Variants in ZRANB3 observed in about 807,000 individuals in gnomAD.
ZRANB3 encodes the protein zinc finger RANBP2-type containing 3.
In ZRANB3, 125 loss-of-function variants were observed where a neutral mutation model predicts 133.8. The observed-to-expected ratio is 0.93, with a 90% CI of 0.81 to 1.08. ZRANB3 has a LOEUF of 1.08. ZRANB3 is among the 50% of genes least tolerant of loss of function. The pLI is 0.00. For missense variants in ZRANB3, 1,229 were observed against 1,275.5 expected, an observed-to-expected ratio of 0.96 and a Z score of 0.56; for synonymous variants, 387 against 432.7, an observed-to-expected ratio of 0.89 and a Z score of 1.31.
At chr2:135,488,529 GATT>G (rs949827006) in intron 2 of ZRANB3, among the ~76,000 whole-genome samples, 3 of 148,628 alleles carry the variant, frequency 2.0e-5, no homozygotes, top group East Asian at 2.0e-4. Flanking sequence ...ATATATATTT[GATT>G]ATACTATATA....
intron 2 of ZRANB3, among the ~76,000 whole-genome samples, chr2:135,398,615 T>A (rs960790897): frequency 2.7e-5 from 4 of 147,704 alleles, no homozygotes; most frequent in African/African-American, 1.0e-4. Flanking sequence ...GCCTCCTGGG[T>A]TTACGCCATT....
intron 2 of ZRANB3, among the ~76,000 whole-genome samples, chr2:135,447,126 C>T (rs1690056502): frequency 6.6e-6 from 1 of 152,082 alleles, no homozygotes; most frequent in Non-Finnish European, 1.5e-5. Flanking sequence ...CTCACTGCAA[C>T]CTCCACCTCC....
chr2:135,213,166 G>A (rs1420981819), intron 17 of ZRANB3, among the ~76,000 whole-genome samples: 1 of 152,100 alleles, frequency 6.6e-6, no homozygotes, highest in Non-Finnish European at 1.5e-5. Flanking sequence ...ATCCTCTAAC[G>A]TCCTGCTTAG....
At chr2:135,504,178 A>T (rs1488655995) in intron 2 of ZRANB3, 151 bp downstream of exon 2, 2 of 845,784 alleles carry the variant, frequency 2.4e-6, no homozygotes, top group South Asian at 2.9e-5. Flanking sequence ...AGTATAAGTC[A>T]ACCATAGTAA....
At chr2:135,510,847 C>T (rs776596647) in intron 1 of ZRANB3, 26 of 983,960 alleles carry the variant, frequency 2.6e-5, no homozygotes, top group Non-Finnish European at 3.8e-5. Flanking sequence ...AACTCCACCA[C>T]GTTCCCATAA....
chr2:135,449,042 A>C (rs1690151523), intron 2 of ZRANB3, among the ~76,000 whole-genome samples: 1 of 152,200 alleles, frequency 6.6e-6, no homozygotes, highest in Admixed American at 6.5e-5. Flanking sequence ...CTGTAATACT[A>C]GGTGATTTCT....
chr2:135,479,774 G>A (rs1174199827), intron 2 of ZRANB3, among the ~76,000 whole-genome samples: 1 of 152,030 alleles, frequency 6.6e-6, no homozygotes, highest in East Asian at 1.9e-4. Flanking sequence ...TGCTTGAAGA[G>A]GGGACACAAC....
intron 20 of ZRANB3, 100 bp from the exon 21 acceptor site, chr2:135,200,540 C>A: frequency 1.1e-6 from 1 of 938,948 alleles, no homozygotes; most frequent in South Asian, 1.6e-5. Flanking sequence ...AATCTACAGT[C>A]ACTACACCCA....
chr2:135,298,942 G>A (rs1682295501), intron 8 of ZRANB3, among the ~76,000 whole-genome samples: 1 of 152,088 alleles, frequency 6.6e-6, no homozygotes, highest in Non-Finnish European at 1.5e-5. Context: ...GAGTTGGCTG[G>A]CCTCCAGCCA....
chr2:135,376,010 G>A (rs1558952830), intron 3 of ZRANB3, among the ~76,000 whole-genome samples: 1 of 152,048 alleles, frequency 6.6e-6, no homozygotes, highest in Admixed American at 6.6e-5. Context: ...GCTAAAATGA[G>A]GTCATATTAG....
intron 3 of ZRANB3, among the ~76,000 whole-genome samples, chr2:135,357,511 G>T (rs1252062488): frequency 6.6e-6 from 1 of 152,164 alleles, no homozygotes; most frequent in Non-Finnish European, 1.5e-5. Context: ...GGCCAGGCTG[G>T]TCTCAAACTC....
chr2:135,278,153 T>C (rs560946243), intron 8 of ZRANB3, among the ~76,000 whole-genome samples: 9 of 151,914 alleles, frequency 5.9e-5, no homozygotes, highest in Non-Finnish European at 1.2e-4. Flanking sequence ...TGAATGAAAA[T>C]AGACCCAGAA....
chr2:135,305,682 T>C (rs994006332), intron 8 of ZRANB3, among the ~76,000 whole-genome samples: 1 of 152,244 alleles, frequency 6.6e-6, no homozygotes, highest in Non-Finnish European at 1.5e-5. Flanking sequence ...ATGAGTTTTG[T>C]ACTTTCATGT....
chr2:135,227,700 A>T (rs532850482), intron 14 of ZRANB3, 112 bp downstream of exon 14: 2 of 1,076,916 alleles, frequency 1.9e-6, no homozygotes, highest in Non-Finnish European at 2.7e-6. Flanking sequence ...TTTTAATATA[A>T]AAGAGAGTAA....
intron 2 of ZRANB3, among the ~76,000 whole-genome samples, chr2:135,502,144 C>T (rs1312587106): frequency 6.6e-6 from 1 of 151,958 alleles, no homozygotes; most frequent in African/African-American, 2.4e-5. Flanking sequence ...GGCAAGTAAA[C>T]AAAAAACTTG....
intron 6 of ZRANB3, among the ~76,000 whole-genome samples, chr2:135,325,412 C>G (rs1683758852): frequency 6.6e-6 from 1 of 152,026 alleles, no homozygotes; most frequent in Admixed American, 6.6e-5. Context: ...GGCATGCCAA[C>G]TATTTTTTTT....
intron 2 of ZRANB3, among the ~76,000 whole-genome samples, chr2:135,391,276 T>C (rs1687219615): frequency 6.6e-6 from 1 of 152,270 alleles, no homozygotes; most frequent in Non-Finnish European, 1.5e-5. Context: ...CCAGTGCTGA[T>C]TTTATATGAC....
At chr2:135,488,703 T>G (rs898237496) in intron 2 of ZRANB3, among the ~76,000 whole-genome samples, 2 of 149,904 alleles carry the variant, frequency 1.3e-5, no homozygotes, top group Admixed American at 1.3e-4. Flanking sequence ...CAAAGCACAA[T>G]TTGTAAACAC....
intron 2 of ZRANB3, among the ~76,000 whole-genome samples, chr2:135,484,820 G>A (rs1692016579): frequency 6.6e-6 from 1 of 151,760 alleles, no homozygotes; most frequent in Non-Finnish European, 1.5e-5. Flanking sequence ...GATCACTTGA[G>A]GTCAGGAGTT....
Sources: allele counts gnomAD v4.1 joint callset (sites outside exome capture counted in the v4.1 genomes callset), GRCh38; gene constraint gnomAD v4.1.1; transcripts MANE v1.5; gene names NCBI Gene and HGNC (gene_info 2026-07-23, HGNC 2026-07-21).